The following UBE3C variants were observed in gnomAD, a reference collection of about 807,000 sequenced individuals.
The protein encoded by UBE3C is ubiquitin protein ligase E3C.
A neutral mutation model predicts 129.4 loss-of-function variants in UBE3C; 42 were observed. The ratio of observed to expected loss-of-function variants is 0.32; its 90% CI spans 0.25 to 0.42. The LOEUF is 0.42. Ranked by LOEUF, UBE3C falls within the 10% of genes least tolerant of loss-of-function variation. The pLI, the probability that UBE3C is intolerant of heterozygous loss-of-function variation, is 1.00. For synonymous variants in UBE3C, 510 were observed against 492.4 expected, an observed-to-expected ratio of 1.04 and a Z score of -0.47; for missense variants, 1,049 against 1,319.1, an observed-to-expected ratio of 0.80 and a Z score of 3.17.
intron 1 of UBE3C, among the ~76,000 whole-genome samples, chr7:157,152,594 C>T (rs773910022): frequency 1.2e-4 from 18 of 152,074 alleles, no homozygotes; most frequent in Non-Finnish European, 2.4e-4. Context: ...TCATTGATCT[C>T]GACTTCTGAT....
intron 10 of UBE3C, chr7:157,198,352 C>A: frequency 1.3e-6 from 1 of 777,192 alleles, no homozygotes; most frequent in Non-Finnish European, 2.4e-6. Flanking sequence ...ACAGTTCTTC[C>A]AAGGCCAGTT....
chr7:157,261,075 G>A (rs1796891361), intron 22 of UBE3C, among the ~76,000 whole-genome samples: 1 of 151,952 alleles, frequency 6.6e-6, no homozygotes, highest in Admixed American at 6.6e-5. Context: ...GGCCAAGGCG[G>A]GTGGATCCCC....
chr7:157,250,498 T>TTAAAA (rs1796595658), intron 19 of UBE3C, among the ~76,000 whole-genome samples: 1 of 152,094 alleles, frequency 6.6e-6, no homozygotes, highest in Non-Finnish European at 1.5e-5. Flanking sequence ...ATTTTTGTGT[T>TTAAAA]TTTTATAGAC....
chr7:157,174,071 AGGCTATCTTTGCCGAGGGTGGT>A (rs1205275250), intron 4 of UBE3C, among the ~76,000 whole-genome samples: 1 of 152,234 alleles, frequency 6.6e-6, no homozygotes, highest in Non-Finnish European at 1.5e-5. Context: ...TACACTTAAG[AGGCTATCTTTGCCGAGGGTGGT>A]GGCTCACGTG....
chr7:157,225,462 T>A lies in UBE3C; in HGVS notation c.2156T>A (p.Phe719Tyr). The A allele has an allele frequency of 1.2e-6, 2 of 1,605,836 alleles. No homozygotes were observed. Among genetic ancestry groups the A allele is most frequent in the Non-Finnish European group, 1.7e-6 (2 of 1,178,090 alleles). The stretch of plus-strand genomic sequence containing the variant: ...CAAGAAGTTCAAGGAGATGGTCCAT[T>A]TCTGGATGGAATTAATGTCACAATA... ...DKQEVQGDGP[F>Y]LDGINVTIRR... The change falls in exon 17 of 23, where the codon TTT becomes TAT. Residue 719 changes from phenylalanine (F) to tyrosine (Y), a missense_variant. Physicochemically the swap from Phe to Tyr is conservative, Grantham distance 22. Around this residue, in one of 4 missense-constraint regions of UBE3C, gnomAD observed 314 missense variants for 416.9 expected, o/e 0.75. Coordinates refer to ENST00000348165, the MANE Select transcript of UBE3C (RefSeq NM_014671.3).
chr7:157,234,139 G>A (rs948354537), intron 18 of UBE3C, among the ~76,000 whole-genome samples: 6 of 152,144 alleles, frequency 3.9e-5, no homozygotes, highest in Non-Finnish European at 7.4e-5. Flanking sequence ...TCTCTGGATT[G>A]TCTCTTCACT....
At chr7:157,219,382 G>A (rs937415085) in intron 14 of UBE3C, among the ~76,000 whole-genome samples, 2 of 152,176 alleles carry the variant, frequency 1.3e-5, no homozygotes, top group South Asian at 2.1e-4. Flanking sequence ...TTTCACTTCT[G>A]CAGTGAAAAG....
At chr7:157,164,526 A>G (rs766593494) in intron 2 of UBE3C, 17 of 442,370 alleles carry the variant, frequency 3.8e-5, no homozygotes, top group Non-Finnish European at 7.8e-5. Flanking sequence ...CTGTTTGTGA[A>G]GAAGGTAAAA....
rs190939845 is a variant in UBE3C at position 157,149,137 on chromosome 7, A to G, written c.66+9799A>G. 3.3e-3 allele frequency among the ~76,000 whole-genome samples: 508 copies of G among 151,734 alleles called. 2 individuals carry two copies. Among genetic ancestry groups the G allele is most frequent in the African/African-American group, 0.011 (473 of 41,378 alleles). On this transcript the variant is annotated intron_variant, in intron 1 of 22. Transcript: ENST00000348165. ...AATGGCTCAATCTCGGCTCACTGCA[A>G]CCTCCGCCTGCCAGGTTCAAGCAAT...
At chr7:157,244,502 ACAT>A (rs534865959) in intron 18 of UBE3C, among the ~76,000 whole-genome samples, 38 of 152,322 alleles carry the variant, frequency 2.5e-4, no homozygotes, top group Non-Finnish European at 4.1e-4. Context: ...TTAAAGCAAG[ACAT>A]CATCTCTTAT....
intron 18 of UBE3C, among the ~76,000 whole-genome samples, chr7:157,239,417 G>A (rs1436240328): frequency 6.6e-6 from 1 of 152,198 alleles, no homozygotes; most frequent in Non-Finnish European, 1.5e-5. Context: ...TGGAAGGCAG[G>A]ATCCTGATGC....
intron 1 of UBE3C, among the ~76,000 whole-genome samples, chr7:157,154,326 A>G (rs1482312730): frequency 6.6e-6 from 1 of 152,114 alleles, no homozygotes; most frequent in African/African-American, 2.4e-5. Context: ...CTAAAAAAAA[A>G]AGATAAAAGG....
At chr7:157,265,205 C>T (rs754131789) in intron 22 of UBE3C, among the ~76,000 whole-genome samples, 5 of 152,332 alleles carry the variant, frequency 3.3e-5, no homozygotes, top group East Asian at 1.9e-4. Context: ...TTCGTGTACA[C>T]GTGTGCAGGG....
intron 19 of UBE3C, among the ~76,000 whole-genome samples, chr7:157,250,218 GTTGTTGTA>G (rs1178951448): frequency 6.6e-6 from 1 of 152,058 alleles, no homozygotes; most frequent in Non-Finnish European, 1.5e-5. Context: ...CTTTGTTGTT[GTTGTTGTA>G]TTGTTTTGAG....
chr7:157,236,411 T>G (rs758852324), intron 18 of UBE3C, among the ~76,000 whole-genome samples: 16 of 152,220 alleles, frequency 1.1e-4, no homozygotes, highest in Non-Finnish European at 2.2e-4. Flanking sequence ...TTATTTGATA[T>G]GATCTTGGTT....
At chr7:157,156,297 G>GTT (rs1807901673) in intron 1 of UBE3C, among the ~76,000 whole-genome samples, 14 of 122,228 alleles carry the variant, frequency 1.1e-4, no homozygotes, top group African/African-American at 4.4e-4. Context: ...CACACCCCCA[G>GTT]TTCTTTTTTT....
chr7:157,211,991 A>G (rs1031630248), intron 13 of UBE3C, among the ~76,000 whole-genome samples: 9 of 152,254 alleles, frequency 5.9e-5, no homozygotes, highest in African/African-American at 9.6e-5. Flanking sequence ...TTGTTTTCCA[A>G]CGAGGTCATG....
chr7:157,194,188 G>A (rs1173014885), intron 10 of UBE3C, among the ~76,000 whole-genome samples: 1 of 152,196 alleles, frequency 6.6e-6, no homozygotes, highest in Non-Finnish European at 1.5e-5. Context: ...GGGGCTGGCT[G>A]TTATACATTA....
chr7:157,207,191 G>A (rs1382574622), intron 11 of UBE3C, among the ~76,000 whole-genome samples: 1 of 152,100 alleles, frequency 6.6e-6, no homozygotes, highest in African/African-American at 2.4e-5. Flanking sequence ...GAAGATTAAT[G>A]GGTTGGTATG....
Sources: gnomAD v4.1 joint callset for allele counts (sites outside exome capture counted in the v4.1 genomes callset) on GRCh38, gnomAD v4.1.1 for gene constraint, gnomAD v4.1.1 regional missense constraint, MANE v1.5 for transcripts, NCBI Gene and HGNC (gene_info 2026-07-23, HGNC 2026-07-21) for gene names.